ADAM18: variants seen among roughly 807,000 people sequenced by gnomAD.
ADAM18 encodes the protein ADAM metallopeptidase domain 18.
Under a neutral mutation model 94.4 loss-of-function variants are expected in ADAM18, and 117 were observed. The observed-to-expected ratio is 1.24, with a 90% CI of 1.07 to 1.45. ADAM18 has a LOEUF of 1.45. Among genes scored for constraint, ADAM18 ranks in the 40% most tolerant of loss-of-function variants. The pLI is 0.00. For synonymous variants in ADAM18, 327 were observed against 291.6 expected (o/e 1.12, Z -1.24); for missense variants, 936 against 880.0 (o/e 1.06, Z -0.81).
intron 2 of ADAM18, among the ~76,000 whole-genome samples, chr8:39,599,792 C>T (rs901633827): frequency 1.1e-4 from 16 of 151,834 alleles, no homozygotes; most frequent in Non-Finnish European, 8.8e-5. Context: ...ATTAAATTCA[C>T]GCATTAGTTC....
chr8:39,664,395 ATAT>A (rs1201370043), intron 13 of ADAM18, among the ~76,000 whole-genome samples: 6 of 152,292 alleles, frequency 3.9e-5, no homozygotes, highest in African/African-American at 1.4e-4. Flanking sequence ...ATGTTACAAG[ATAT>A]TATGTAAAGG....
intron 10 of ADAM18, among the ~76,000 whole-genome samples, chr8:39,642,276 T>C (rs1820258445): frequency 6.6e-6 from 1 of 152,124 alleles, no homozygotes; most frequent in African/African-American, 2.4e-5. Context: ...AGATCCTATT[T>C]GTCAATTTTT....
At chr8:39,599,357 T>C (rs921391398) in intron 2 of ADAM18, among the ~76,000 whole-genome samples, 7 of 152,204 alleles carry the variant, frequency 4.6e-5, no homozygotes, top group African/African-American at 1.4e-4. Flanking sequence ...TTGTGGAGGA[T>C]TTTTCATCTA....
intron 2 of ADAM18, among the ~76,000 whole-genome samples, chr8:39,599,576 C>T (rs965684635): frequency 6.6e-6 from 1 of 152,038 alleles, no homozygotes; most frequent in Non-Finnish European, 1.5e-5. Context: ...CACACACACA[C>T]ATTTATTTAT....
intron 12 of ADAM18, among the ~76,000 whole-genome samples, chr8:39,654,153 C>CTTTTTTTTTTTTTTTT (rs1563292600): frequency 8.4e-6 from 1 of 118,770 alleles, no homozygotes; most frequent in African/African-American, 3.4e-5. Flanking sequence ...GGATTTCATT[C>CTTTTTTTTTTTTTTTT]CTTTTTTTTT....
intron 11 of ADAM18, among the ~76,000 whole-genome samples, chr8:39,645,809 T>A (rs1271969070): frequency 5.3e-5 from 8 of 152,126 alleles, no homozygotes; most frequent in African/African-American, 1.7e-4. Context: ...TAATTTTCAG[T>A]TGTTGGAAAT....
At chr8:39,710,226 T>C (rs1429294958) in intron 18 of ADAM18, among the ~76,000 whole-genome samples, 1 of 152,226 alleles carries the variant, frequency 6.6e-6, no homozygotes, top group Non-Finnish European at 1.5e-5. Context: ...CTTCCTTTTT[T>C]GGCTGTGACA....
intron 18 of ADAM18, among the ~76,000 whole-genome samples, chr8:39,713,635 T>C (rs1822483607): frequency 6.6e-6 from 1 of 152,032 alleles, no homozygotes. Context: ...GCAAAGGATA[T>C]CAATAGACAC....
chr8:39,627,543 C>A (rs1819806565), intron 6 of ADAM18, among the ~76,000 whole-genome samples: 1 of 152,024 alleles, frequency 6.6e-6, no homozygotes, highest in Admixed American at 6.6e-5. Flanking sequence ...TCCTGCTTGC[C>A]TTTAGTTTCT....
At chr8:39,634,222 C>T (rs965871444) in intron 7 of ADAM18, among the ~76,000 whole-genome samples, 1 of 152,136 alleles carries the variant, frequency 6.6e-6, no homozygotes, top group South Asian at 2.1e-4. Context: ...GACTGTGAAC[C>T]TTGGCTGTGT....
At chr8:39,706,955 A>T (rs768124387) in intron 18 of ADAM18, 51 bp downstream of exon 18, 6 of 1,075,176 alleles carry the variant, frequency 5.6e-6, no homozygotes, top group Non-Finnish European at 7.0e-6. Context: ...TTTTATATAA[A>T]GTTAATTAAA....
At chr8:39,628,424 G>GATCA (rs1403166264) in intron 6 of ADAM18, among the ~76,000 whole-genome samples, 2 of 108,426 alleles carry the variant, frequency 1.8e-5, no homozygotes, top group Non-Finnish European at 4.1e-5. Context: ...TCAATAGATA[G>GATCA]ATAGATAGAT....
intron 17 of ADAM18, among the ~76,000 whole-genome samples, chr8:39,702,829 C>T (rs1822125430): frequency 6.6e-6 from 1 of 152,026 alleles, no homozygotes; most frequent in Non-Finnish European, 1.5e-5. Flanking sequence ...CTCTGCTGTT[C>T]CATAGGTCTA....
At chr8:39,674,537 CTGAATACAGCATGCTGATGGGTCT>C (rs1298221740) in intron 14 of ADAM18, among the ~76,000 whole-genome samples, 1 of 152,108 alleles carries the variant, frequency 6.6e-6, no homozygotes, top group African/African-American at 2.4e-5. Context: ...GATGAGTCTC[CTGAATACAGCATGCTGATGGGTCT>C]TGACTCTTTA....
At chr8:39,612,842 G>A (rs1475684058) in intron 6 of ADAM18, among the ~76,000 whole-genome samples, 1 of 152,014 alleles carries the variant, frequency 6.6e-6, no homozygotes, top group Non-Finnish European at 1.5e-5. Context: ...GAGAGATTTA[G>A]CAAATGGGCT....
chr8:39,676,877 G>T (rs185256982), intron 14 of ADAM18, among the ~76,000 whole-genome samples: 22 of 152,298 alleles, frequency 1.4e-4, no homozygotes, highest in African/African-American at 5.1e-4. Flanking sequence ...TTTCTCCAGG[G>T]TTAAGTTTAC....
chr8:39,660,979 G>T (rs1167257201), intron 12 of ADAM18, among the ~76,000 whole-genome samples: 3 of 151,888 alleles, frequency 2.0e-5, no homozygotes, highest in Non-Finnish European at 2.9e-5. Flanking sequence ...TGATAATGTT[G>T]GTTTGCTTTC....
intron 10 of ADAM18, among the ~76,000 whole-genome samples, chr8:39,638,988 G>A (rs938392675): frequency 1.3e-5 from 2 of 151,766 alleles, no homozygotes; most frequent in African/African-American, 4.8e-5. Context: ...TTGAAAATTT[G>A]TATATTGATA....
At chr8:39,607,992 A>G (rs891053203) in intron 3 of ADAM18, among the ~76,000 whole-genome samples, 2 of 152,034 alleles carry the variant, frequency 1.3e-5, no homozygotes, top group African/African-American at 4.8e-5. Flanking sequence ...TAGAATCCTC[A>G]TAGGTAACAT....
Sources: allele counts gnomAD v4.1 joint callset (sites outside exome capture counted in the v4.1 genomes callset), GRCh38; gene constraint gnomAD v4.1.1; transcripts MANE v1.5; gene names NCBI Gene and HGNC (gene_info 2026-07-23, HGNC 2026-07-21).